The following CSGALNACT1 variants were observed in gnomAD, a reference collection of about 807,000 sequenced individuals.
CSGALNACT1 encodes chondroitin sulfate N-acetylgalactosaminyltransferase 1, also known as beta4GalNAcT-1.
A neutral mutation model predicts 51.0 loss-of-function variants in CSGALNACT1; 52 were observed. The observed-to-expected ratio is 1.02, with a 90% CI of 0.82 to 1.29. The LOEUF is 1.29. CSGALNACT1 is among the 50% of genes most tolerant of loss of function. CSGALNACT1 has a pLI of 0.00. For synonymous variants in CSGALNACT1, 341 were observed against 254.4 expected, an observed-to-expected ratio of 1.34 and a Z score of -3.24; for missense variants, 935 against 679.2, an observed-to-expected ratio of 1.38 and a Z score of -4.19.
chr8:19,733,556 C>T (rs985181422), intron 1 of CSGALNACT1, among the ~76,000 whole-genome samples: 1 of 152,180 alleles, frequency 6.6e-6, no homozygotes, highest in Non-Finnish European at 1.5e-5. Flanking sequence ...TTATCGCTCA[C>T]CTCCTCCACA....
At chr8:19,489,415 G>A (rs1014465967) in intron 4 of CSGALNACT1, among the ~76,000 whole-genome samples, 3 of 152,134 alleles carry the variant, frequency 2.0e-5, no homozygotes, top group South Asian at 2.1e-4. Flanking sequence ...CTCATCACTC[G>A]CCAGAGCCAT....
At chr8:19,599,495 AG>A in intron 2 of CSGALNACT1, among the ~76,000 whole-genome samples, 1 of 149,320 alleles carries the variant, frequency 6.7e-6, no homozygotes, top group Non-Finnish European at 1.5e-5. Flanking sequence ...AAAGAAAGAA[AG>A]AAAGAAAGAA....
intron 1 of CSGALNACT1, among the ~76,000 whole-genome samples, chr8:19,642,241 G>A (rs1005667615): frequency 1.3e-5 from 2 of 152,162 alleles, no homozygotes; most frequent in Admixed American, 1.3e-4. Context: ...AGAGAAGACA[G>A]AAGAGAATGA....
intron 1 of CSGALNACT1, among the ~76,000 whole-genome samples, chr8:19,646,613 C>T (rs765171724): frequency 1.1e-4 from 16 of 152,124 alleles, no homozygotes; most frequent in Non-Finnish European, 1.8e-4. Flanking sequence ...TAAGGAAACG[C>T]CACCTTTAGT....
chr8:19,646,279 G>T (rs2057270233), intron 1 of CSGALNACT1, among the ~76,000 whole-genome samples: 1 of 152,188 alleles, frequency 6.6e-6, no homozygotes, highest in South Asian at 2.1e-4. Context: ...ACCTTGCCGA[G>T]AGAGAAAGAG....
chr8:19,478,916 T>C (rs568523609), intron 4 of CSGALNACT1, among the ~76,000 whole-genome samples: 1 of 152,244 alleles, frequency 6.6e-6, no homozygotes, highest in East Asian at 1.9e-4. Context: ...TCATTTTAGG[T>C]TGCTAATGTT....
exon 4 of CSGALNACT1, chr8:19,505,781 C>G: frequency 6.2e-7 from 1 of 1,613,942 alleles, no homozygotes; most frequent in South Asian, 1.1e-5. Flanking sequence ...GGAGCACCAG[C>G]AAAACCACCA....
At chr8:19,420,588 A>T in intron 6 of CSGALNACT1, 70 bp from the exon 6 acceptor site, 3 of 1,466,636 alleles carry the variant, frequency 2.0e-6, no homozygotes, top group Middle Eastern at 2.3e-4. Flanking sequence ...GAAAATATGT[A>T]ATCAGGGCCC....
At chr8:19,607,892 C>T (rs1366787705) in intron 1 of CSGALNACT1, among the ~76,000 whole-genome samples, 3 of 152,140 alleles carry the variant, frequency 2.0e-5, no homozygotes, top group African/African-American at 7.2e-5. Context: ...AGATATGTTA[C>T]AGATGGTAAT....
chr8:19,470,232 A>T (rs1228407217), intron 4 of CSGALNACT1, among the ~76,000 whole-genome samples: 1 of 152,124 alleles, frequency 6.6e-6, no homozygotes, highest in Non-Finnish European at 1.5e-5. Context: ...AAATAGAGAA[A>T]GCTTGGGGCA....
chr8:19,589,464 T>C (rs1030426884), intron 3 of CSGALNACT1, among the ~76,000 whole-genome samples: 2 of 152,160 alleles, frequency 1.3e-5, no homozygotes, highest in African/African-American at 4.8e-5. Flanking sequence ...TAGCTGGTAC[T>C]ACGGGAGTGC....
At chr8:19,739,455 G>A (rs1322804819) in intron 1 of CSGALNACT1, among the ~76,000 whole-genome samples, 1 of 152,028 alleles carries the variant, frequency 6.6e-6, no homozygotes, top group Non-Finnish European at 1.5e-5. Flanking sequence ...AAGACCACAT[G>A]ACTGCCACTG....
intron 1 of CSGALNACT1, among the ~76,000 whole-genome samples, chr8:19,709,164 C>T (rs1299098477): frequency 1.3e-5 from 2 of 152,164 alleles, no homozygotes; most frequent in African/African-American, 2.4e-5. Flanking sequence ...GTTCCGATTA[C>T]ATACTTGCCA....
intron 1 of CSGALNACT1, among the ~76,000 whole-genome samples, chr8:19,703,722 A>G (rs192597664): frequency 9.2e-5 from 14 of 152,208 alleles, no homozygotes. Flanking sequence ...AAATCCTCTC[A>G]TGGTCTGCAT....
chr8:19,439,790 G>C (rs766655819), intron 6 of CSGALNACT1, 40 bp downstream of exon 5: 9 of 1,491,686 alleles, frequency 6.0e-6, no homozygotes, highest in Admixed American at 1.7e-5. Flanking sequence ...TCTGAGCTCA[G>C]TTACCAGGAT....
rs143613420 is a variant in CSGALNACT1, at chr8:19,563,944, G to A, written c.-297+27216C>T. Among the ~76,000 whole-genome samples, 11 of 151,660 alleles carry A rather than the reference G, an allele frequency of 7.3e-5. No homozygotes were observed. The East Asian group carries it at 1.4e-3, about 19-fold the overall frequency. On this transcript the variant is annotated intron_variant, in intron 3 of 9. Transcript: ENST00000454498. The stretch of plus-strand genomic sequence containing the variant: ...TCAGCCACGCACACTCACACACCAC[G>A]CTGCGGCTGTTTCTGAAGCTGGACG...
intron 4 of CSGALNACT1, among the ~76,000 whole-genome samples, chr8:19,472,465 TC>T (rs1436139282): frequency 6.6e-6 from 1 of 152,248 alleles, no homozygotes; most frequent in Non-Finnish European, 1.5e-5. Flanking sequence ...CGTCCATTTT[TC>T]AAACCCTGTT....
chr8:19,518,583 C>G (rs970903137), intron 3 of CSGALNACT1, among the ~76,000 whole-genome samples: 2 of 152,208 alleles, frequency 1.3e-5, no homozygotes, highest in Non-Finnish European at 2.9e-5. Flanking sequence ...CCACTCAGTC[C>G]TTTTTCTGCT....
chr8:19,675,295 G>A (rs1031441560), intron 1 of CSGALNACT1, among the ~76,000 whole-genome samples: 25 of 152,112 alleles, frequency 1.6e-4, no homozygotes, highest in African/African-American at 5.8e-4. Flanking sequence ...CCTAAGATAG[G>A]GTTAATTTCC....
Sources: allele counts gnomAD v4.1 joint callset (sites outside exome capture counted in the v4.1 genomes callset), GRCh38; gene constraint gnomAD v4.1.1; transcripts MANE v1.5; gene names NCBI Gene and HGNC (gene_info 2026-07-23, HGNC 2026-07-21).